The following GTSE1 variants were observed in gnomAD, a reference collection of about 807,000 sequenced individuals.
GTSE1 encodes the protein G2 and S phase-expressed protein 1.
In GTSE1, 52 loss-of-function variants were observed where a neutral mutation model predicts 60.5. The ratio of observed to expected loss-of-function variants is 0.86; its 90% CI spans 0.69 to 1.08. The LOEUF (loss-of-function observed/expected upper bound fraction) is 1.08, where lower values mean the gene tolerates loss of function less well. Ranked by LOEUF, GTSE1 falls within the 50% of genes least tolerant of loss-of-function variation. GTSE1 has a pLI of 0.00. For missense variants in GTSE1, 937 were observed against 961.8 expected (o/e 0.97, Z 0.34); for synonymous variants, 368 against 386.5 (o/e 0.95, Z 0.56).
chr22:46,322,600 G>T (rs934354383), intron 7 of GTSE1, among the ~76,000 whole-genome samples: 2 of 152,170 alleles, frequency 1.3e-5, no homozygotes, highest in Non-Finnish European at 2.9e-5. Flanking sequence ...GCCTTAGCTC[G>T]GTAACTGGTG....
In GTSE1 at chr22:46,308,191, T is replaced by G. The variant is rs1271894418; in HGVS notation, c.121T>G (p.Ser41Ala). Residue 41 changes from serine (S) to alanine (A), a missense_variant, in exon 3 of 12, where the codon TCA (serine) becomes GCA (alanine). Transcript: ENST00000454366. Reference protein sequence around the residue: ...LADEKFDFDLSLSSSSANEDD... With the variant: ...LADEKFDFDLALSSSSANEDD... ...CGATGAAAAATTTGACTTCGATCTT[T>G]CATTGTCTTCTTCGAGGTAAACAAA... 1 of 1,613,422 alleles carries G rather than the reference T, an allele frequency of 6.2e-7. No individual in the cohort carries two copies. Among genetic ancestry groups the G allele is most frequent in the Non-Finnish European group, 8.5e-7 (1 of 1,179,456 alleles).
intron 2 of GTSE1, among the ~76,000 whole-genome samples, chr22:46,302,895 CTTTTTTT>C (rs34051708): frequency 7.6e-6 from 1 of 131,376 alleles, no homozygotes; most frequent in East Asian, 2.1e-4. Flanking sequence ...CACTTTCCCT[CTTTTTTT>C]TTTTTTTTTT....
rs1284814584 is a variant in GTSE1 at position 46,329,165 on chromosome 22, T to A, written c.1927-193T>A. 6 of 652,546 alleles carry A rather than the reference T, an allele frequency of 9.2e-6. No individual in the cohort carries two copies. The highest frequency in any genetic ancestry group is 1.4e-5 in the Non-Finnish European group (5 of 368,210). The allele number at this position is 652,546 out of a possible 1,614,324, so 40.4% of individuals were successfully genotyped here. ...GCTGGTGGCTGCTGGTGAGCGGGTA[T>A]GGACAGGGAGGTGGGCAACAGTCAG... On this transcript the variant is annotated intron_variant, in intron 10 of 11. Transcript: ENST00000454366. This position sits in a 1 kb window ranked among gnomAD's most constrained non-coding sequence, Gnocchi z 6.4.
In GTSE1 at chr22:46,324,700, G is replaced by A. The variant is rs1300493359; in HGVS notation, c.1505+1438G>A. Among the ~76,000 whole-genome samples, 2 of 152,140 alleles carry A rather than the reference G, an allele frequency of 1.3e-5. No individual in the cohort carries two copies. The highest frequency in any genetic ancestry group is 2.9e-5 in the Non-Finnish European group (2 of 68,028). On this transcript the variant is annotated intron_variant, in intron 8 of 11. Transcript: ENST00000454366. The surrounding 1 kb of genome is among the most constrained non-coding windows in gnomAD (Gnocchi z 5.2). ...TATTTTCACTGGAATTTGTGGTGGG[G>A]CTGCCAGAACTTAGCAATAAAGGGA...
intron 2 of GTSE1, among the ~76,000 whole-genome samples, chr22:46,303,107 A>C (rs908976446): frequency 6.6e-6 from 1 of 151,474 alleles, no homozygotes; most frequent in Non-Finnish European, 1.5e-5. Context: ...TCACCGTGTT[A>C]GCCAGGATGG....
In GTSE1 at chr22:46,316,407, C is replaced by G. The variant is rs563396011; in HGVS notation, c.1427C>G (p.Ser476Cys). ...PTNQFKIPKF[S>C]IGDSPDSSTP... ...AATCAATTTAAAATTCCTAAGTTTT[C>G]TATTGGTGAGTAATAGATACATTTT... The change falls in exon 7 of 12, where the codon TCT (serine) becomes TGT (cysteine). Residue 476 changes from serine to cysteine, a missense_variant. By Grantham distance (112) the Ser-to-Cys change is moderately radical. Coordinates refer to ENST00000454366, the MANE Select transcript of GTSE1 (RefSeq NM_016426.7). The surrounding 1 kb of genome is among the most constrained non-coding windows in gnomAD (Gnocchi z 5.0). 6.4e-7 allele frequency: 1 copy of G among 1,551,632 alleles called. No individual in the cohort carries two copies. Among genetic ancestry groups the G allele is most frequent in the African/African-American group, 1.4e-5 (1 of 73,320 alleles).
chr22:46,297,411 G>T lies in GTSE1; in HGVS notation c.11G>T (p.Gly4Val), dbSNP rs763296642. The change falls in exon 2 of 12, where the codon GGC (glycine) becomes GTC (valine). Residue 4 changes from glycine to valine, a missense_variant. Physicochemically the swap from Gly to Val is moderately radical, Grantham distance 109 (BLOSUM62 -3). Coordinates refer to ENST00000454366, the MANE Select transcript of GTSE1 (RefSeq NM_016426.7). This position sits in a 1 kb window ranked among gnomAD's most constrained non-coding sequence, Gnocchi z 4.9. MEGGGGRDEPSACR... is the reference protein window; with the variant it reads MEGVGGRDEPSACR... ...CTGACAGCTCTCTCCATGGAAGGAG[G>T]CGGCGGCCGCGATGAGCCTTCAGCC... 1.2e-6 allele frequency: 2 copies of T among 1,613,062 alleles called. No individual in the cohort carries two copies. The highest frequency in any genetic ancestry group is 1.3e-5 in the African/African-American group (1 of 75,044).
chr22:46,307,480 C>T lies in GTSE1; in HGVS notation c.80-670C>T, dbSNP rs141092551. On this transcript the variant is annotated intron_variant, in intron 2 of 11. Coordinates refer to ENST00000454366, the MANE Select transcript of GTSE1 (RefSeq NM_016426.7). ...AGTAAGGACCTAAGCTTTTGGGTGG[C>T]TTAGTGAACATAGAATGGCTGATGT... is the stretch of plus-strand genomic sequence containing the variant. Among the ~76,000 whole-genome samples the T allele has an allele frequency of 5.3e-3, 809 of 151,800 alleles. 8 individuals are homozygous for T. The highest frequency in any genetic ancestry group is 0.018 in the African/African-American group (759 of 41,348).
At chr22:46,312,617 T>A (rs2077755193) in intron 5 of GTSE1, among the ~76,000 whole-genome samples, 1 of 127,734 alleles carries the variant, frequency 7.8e-6, no homozygotes, top group Non-Finnish European at 1.6e-5. Flanking sequence ...CCAGGTTGGG[T>A]GACAGAATGA....
At position 46,310,765 on chromosome 22, in the gene GTSE1, C is replaced by A. The variant is rs1025933443; in HGVS notation, c.763-1376C>A. On this transcript the variant is annotated intron_variant, in intron 4 of 11. Coordinates refer to ENST00000454366, the MANE Select transcript of GTSE1 (RefSeq NM_016426.7). The surrounding 1 kb of genome is among the most constrained non-coding windows in gnomAD (Gnocchi z 4.4). ...CCAACATGGTGAAACCCCGTCTCTACAAAAAAATACAAAAATTAGCCAAGT... is the reference window on the plus strand; with the variant it reads ...CCAACATGGTGAAACCCCGTCTCTAAAAAAAAATACAAAAATTAGCCAAGT... 1.3e-5 allele frequency among the ~76,000 whole-genome samples: 2 copies of A among 152,062 alleles called. No individual in the cohort carries two copies. Among genetic ancestry groups the A allele is most frequent in the African/African-American group, 4.8e-5 (2 of 41,406 alleles).
At chr22:46,325,028 A>G (rs2077835803) in intron 8 of GTSE1, among the ~76,000 whole-genome samples, 1 of 152,132 alleles carries the variant, frequency 6.6e-6, no homozygotes, top group Non-Finnish European at 1.5e-5. Flanking sequence ...TCTATCGACT[A>G]TGTAGCTTGA....
At position 46,308,324 on chromosome 22, in the gene GTSE1, A is replaced by G; in HGVS notation, c.143A>G (p.Asn48Ser). Residue 48 changes from asparagine (N) to serine (S), a missense_variant, in exon 4 of 12, where the codon AAT becomes AGT. Transcript: ENST00000454366. ...TTCTTTTTTTAAACAAATAGTGCAA[A>G]TGAAGATGATGAAGTCTTCTTCGGA... ...FDLSLSSSSANEDDEVFFGPF... is the reference protein window; with the variant it reads ...FDLSLSSSSASEDDEVFFGPF... 2 of 1,612,524 alleles carry G rather than the reference A, an allele frequency of 1.2e-6. No individual in the cohort carries two copies. The highest frequency in any genetic ancestry group is 1.7e-6 in the Non-Finnish European group (2 of 1,178,726).
intron 9 of GTSE1, among the ~76,000 whole-genome samples, chr22:46,327,575 T>G (rs1261501717): frequency 6.6e-6 from 1 of 152,124 alleles, no homozygotes; most frequent in Non-Finnish European, 1.5e-5. Flanking sequence ...CTCAGGCGGC[T>G]GAGGCAGGAG....
In GTSE1 at chr22:46,316,946, T is replaced by C. The variant is rs2077784711; in HGVS notation, c.1432+534T>C. Among the ~76,000 whole-genome samples the C allele has an allele frequency of 6.6e-6, 1 of 151,986 alleles. No individual in the cohort carries two copies. Among genetic ancestry groups the C allele is most frequent in the African/African-American group, 2.4e-5 (1 of 41,424 alleles). ...TTTTCTTTTTCTTATCTTTTTTCTT[T>C]TCTTTCTTTCTTTTTTTTTGTTTTT... is the stretch of plus-strand genomic sequence containing the variant. On this transcript the variant is annotated intron_variant, in intron 7 of 11. Transcript: ENST00000454366. The surrounding 1 kb of genome is among the most constrained non-coding windows in gnomAD (Gnocchi z 5.0).
intron 4 of GTSE1, among the ~76,000 whole-genome samples, chr22:46,311,189 T>C (rs1046246613): frequency 1.3e-5 from 2 of 151,904 alleles, no homozygotes; most frequent in African/African-American, 2.4e-5. Context: ...GCAGTCCTCC[T>C]GTCTCAGCCT....
At position 46,324,603 on chromosome 22, in the gene GTSE1, G is replaced by A. The variant is rs912237713; in HGVS notation, c.1505+1341G>A. ...AGGATGGTCTCGATCTCCTGGCCTC[G>A]TGATCCACCAGCCTTGGCCTCGCAA... On this transcript the variant is annotated intron_variant, in intron 8 of 11. Coordinates refer to ENST00000454366, the MANE Select transcript of GTSE1 (RefSeq NM_016426.7). This position sits in a 1 kb window ranked among gnomAD's most constrained non-coding sequence, Gnocchi z 5.2. 2.6e-5 allele frequency among the ~76,000 whole-genome samples: 4 copies of A among 152,110 alleles called. No homozygotes were observed. Among genetic ancestry groups the A allele is most frequent in the African/African-American group, 9.7e-5 (4 of 41,418 alleles).
Position 46,329,062 on chromosome 22 carries a change from C to T in GTSE1, c.1926+173C>T. 2 of 626,420 alleles carry T rather than the reference C, an allele frequency of 3.2e-6. No individual in the cohort carries two copies. The highest frequency in any genetic ancestry group is 2.8e-6 in the Non-Finnish European group (1 of 355,702). The allele number at this position is 626,420 out of a possible 1,614,324, so 38.8% of individuals were successfully genotyped here. A position where few individuals can be genotyped will look rare whatever the true frequency, so the allele number is the denominator to read the frequency against. The stretch of plus-strand genomic sequence containing the variant: ...GAGGCAGTCAGGACTTCCAGGCCTC[C>T]AGGGGAGAAAGCCCTGCATTTGACT... On this transcript the variant is annotated intron_variant, in intron 10 of 11. Transcript: ENST00000454366. The surrounding 1 kb of genome is among the most constrained non-coding windows in gnomAD (Gnocchi z 6.4).
At chr22:46,325,260 G>A (rs141263680) in intron 8 of GTSE1, among the ~76,000 whole-genome samples, 13 of 151,418 alleles carry the variant, frequency 8.6e-5, no homozygotes, top group Admixed American at 1.3e-4. Context: ...GCAGTGGCGC[G>A]ATCTTGGCTC....
At chr22:46,325,970 C>A (rs957318623) in intron 8 of GTSE1, among the ~76,000 whole-genome samples, 1 of 152,246 alleles carries the variant, frequency 6.6e-6, no homozygotes, top group Admixed American at 6.5e-5. Context: ...CTGATTCAGG[C>A]GACCTTAAGC....
Sources: allele counts gnomAD v4.1 joint callset (sites outside exome capture counted in the v4.1 genomes callset), GRCh38; gene constraint gnomAD v4.1.1; non-coding constraint Gnocchi (gnomAD v3.1); transcripts MANE v1.5; gene names NCBI Gene and HGNC (gene_info 2026-07-23, HGNC 2026-07-21).